Variants in NLRP5 observed in about 807,000 individuals in gnomAD.
The protein encoded by NLRP5 is NACHT, LRR and PYD domains-containing protein 5.
NLRP5 carries 93 observed loss-of-function variants against 113.1 expected under a neutral mutation model. The observed-to-expected ratio is 0.82, with a 90% CI of 0.70 to 0.98. The LOEUF (loss-of-function observed/expected upper bound fraction) is 0.98, where lower values mean the gene tolerates loss of function less well. Ranked by LOEUF, NLRP5 falls within the 50% of genes least tolerant of loss-of-function variation. The pLI is 0.00. For missense variants in NLRP5, 1,808 were observed against 1,514.3 expected (o/e 1.19, Z -3.22); for synonymous variants, 751 against 600.7 (o/e 1.25, Z -3.66).
At chr19:56,021,862 G>A (rs1310952975) in intron 6 of NLRP5, among the ~76,000 whole-genome samples, 10 of 152,198 alleles carry the variant, frequency 6.6e-5, no homozygotes. Flanking sequence ...ATTGGTGATT[G>A]GCAGAGTTCT....
the NLRP5 span, among the ~76,000 whole-genome samples, chr19:55,991,250 T>G: frequency 2.0e-5 from 3 of 152,298 alleles, no homozygotes; most frequent in East Asian, 5.8e-4. Context: ...TTCATGAACA[T>G]AAATATTTCA....
intron 1 of NLRP5, among the ~76,000 whole-genome samples, chr19:56,000,913 G>A (rs868402559): frequency 6.6e-6 from 1 of 151,886 alleles, no homozygotes; most frequent in Non-Finnish European, 1.5e-5. Context: ...GGCTGAGGCA[G>A]GAGAATCGAT....
intron 11 of NLRP5, among the ~76,000 whole-genome samples, chr19:56,044,710 A>G (rs59542485): frequency 0.018 from 2,763 of 152,124 alleles, 87 homozygotes; most frequent in African/African-American, 0.063. Flanking sequence ...TTTTGGTTCC[A>G]TTTGAATTTT....
chr19:56,013,554 A>G (rs1436294158), intron 3 of NLRP5, among the ~76,000 whole-genome samples: 2 of 115,980 alleles, frequency 1.7e-5, no homozygotes, highest in African/African-American at 7.1e-5. Flanking sequence ...CCTTTTATAT[A>G]TATACCGCTT....
At chr19:56,045,450 C>A (rs1001961579) in intron 11 of NLRP5, among the ~76,000 whole-genome samples, 6 of 151,776 alleles carry the variant, frequency 4.0e-5, no homozygotes, top group Non-Finnish European at 8.8e-5. Context: ...TTTTAGGGTA[C>A]ATGTGCACAA....
intron 11 of NLRP5, among the ~76,000 whole-genome samples, chr19:56,043,207 G>C (rs1319901875): frequency 1.3e-5 from 2 of 152,136 alleles, no homozygotes; most frequent in East Asian, 3.9e-4. Context: ...GGCTGTACTA[G>C]TTTACTTTCC....
At chr19:56,005,346 TAC>T (rs556568184) in intron 2 of NLRP5, among the ~76,000 whole-genome samples, 31 of 143,022 alleles carry the variant, frequency 2.2e-4, no homozygotes, top group African/African-American at 8.2e-4. Flanking sequence ...CACATACACA[TAC>T]ACATATATTT....
At chr19:56,028,979 G>T (rs1208685958) in intron 7 of NLRP5, among the ~76,000 whole-genome samples, 1 of 152,084 alleles carries the variant, frequency 6.6e-6, no homozygotes, top group East Asian at 1.9e-4. Flanking sequence ...TGGCCAGGCT[G>T]GTCTCGAACT....
chr19:56,015,117 C>G (rs1312738824), intron 3 of NLRP5, among the ~76,000 whole-genome samples: 3 of 152,278 alleles, frequency 2.0e-5, no homozygotes, highest in East Asian at 1.9e-4. Context: ...ATACAAGTCT[C>G]TCATTTCATT....
intron 12 of NLRP5, among the ~76,000 whole-genome samples, chr19:56,052,200 T>C (rs1568502690): frequency 6.6e-6 from 1 of 152,068 alleles, no homozygotes; most frequent in East Asian, 1.9e-4. Flanking sequence ...TTTGTTTTGG[T>C]TTGGATTTTT....
chr19:56,001,334 A>C (rs1209225793), intron 1 of NLRP5, among the ~76,000 whole-genome samples: 10 of 146,184 alleles, frequency 6.8e-5, no homozygotes, highest in Non-Finnish European at 8.9e-5. Context: ...TAAAAAAAAA[A>C]ACAAACAAAA....
Position 56,027,564 on chromosome 19 carries a change from G to A in NLRP5, c.1331G>A (p.Arg444His), listed in dbSNP as rs759531334. 38 of 1,613,836 alleles carry A rather than the reference G, an allele frequency of 2.4e-5. No homozygotes were observed. Among genetic ancestry groups the A allele is most frequent in the South Asian group, 2.0e-4 (18 of 91,076 alleles). ...CAAAGAATCCACTTGCTCCTTGAGC[G>A]CGGGATTGGTGAGCATCAGAAGACA... The change falls in exon 7 of 15, where the codon CGC becomes CAC. Residue 444 changes from arginine to histidine, a missense_variant. Physicochemically the swap from Arg to His is conservative, Grantham distance 29. Coordinates refer to ENST00000390649, the MANE Select transcript of NLRP5 (RefSeq NM_153447.4).
intron 12 of NLRP5, among the ~76,000 whole-genome samples, chr19:56,051,704 CTTTAAAAATCTCCTAAAA>C (rs1057045704): frequency 2.0e-5 from 3 of 152,144 alleles, no homozygotes; most frequent in Admixed American, 6.5e-5. Flanking sequence ...ATGGTGTAGG[CTTTAAAAATCTCCTAAAA>C]TTTAAAAATC....
chr19:56,039,085 C>A (rs1486225439), intron 10 of NLRP5, among the ~76,000 whole-genome samples: 3 of 152,136 alleles, frequency 2.0e-5, no homozygotes, highest in Admixed American at 1.3e-4. Context: ...CGCTAAAATC[C>A]CTCCAACCCT....
chr19:55,996,597 C>T (rs538370249), upstream of NLRP5, among the ~76,000 whole-genome samples: 2 of 152,052 alleles, frequency 1.3e-5, no homozygotes, highest in Non-Finnish European at 2.9e-5. Context: ...TTTGGTTTTT[C>T]GTCCTTGCGA....
chr19:56,050,282 A>AC, intron 11 of NLRP5, 136 bp from the exon 12 acceptor site: 1 of 747,086 alleles, frequency 1.3e-6, no homozygotes, highest in Non-Finnish European at 2.1e-6. Context: ...TCCTCAAAAA[A>AC]AAAAAAGAAA....
At chr19:56,003,534 T>C (rs528893461) in intron 1 of NLRP5, among the ~76,000 whole-genome samples, 2 of 152,340 alleles carry the variant, frequency 1.3e-5, no homozygotes, top group South Asian at 4.1e-4. Flanking sequence ...AGATGCTGTT[T>C]GGGAACTAAG....
intron 7 of NLRP5, among the ~76,000 whole-genome samples, chr19:56,030,203 C>G (rs911885304): frequency 6.6e-6 from 1 of 152,082 alleles, no homozygotes; most frequent in East Asian, 1.9e-4. Context: ...AACCCCATCT[C>G]TGCTAAAAAT....
intron 10 of NLRP5, among the ~76,000 whole-genome samples, chr19:56,038,639 G>A (rs914834723): frequency 6.6e-6 from 1 of 152,044 alleles, no homozygotes; most frequent in Non-Finnish European, 1.5e-5. Context: ...GGGCTTCTGG[G>A]CACAGAGAGG....
Sources: allele counts gnomAD v4.1 joint callset (sites outside exome capture counted in the v4.1 genomes callset), GRCh38; gene constraint gnomAD v4.1.1; transcripts MANE v1.5; gene names NCBI Gene and HGNC (gene_info 2026-07-23, HGNC 2026-07-21).